Variants in MAP3K5 observed in about 807,000 individuals in gnomAD.
MAP3K5 encodes mitogen-activated protein kinase kinase kinase 5.
A neutral mutation model predicts 158.7 loss-of-function variants in MAP3K5; 56 were observed. That is an observed-to-expected ratio of 0.35 (90% CI 0.28 to 0.44). MAP3K5 has a LOEUF of 0.44. MAP3K5 is among the 20% of genes least tolerant of loss of function. The pLI, the probability that MAP3K5 is intolerant of heterozygous loss-of-function variation, is 1.00. For synonymous variants in MAP3K5, 579 were observed against 601.7 expected (o/e 0.96, Z 0.55); for missense variants, 1,294 against 1,674.8 (o/e 0.77, Z 3.97).
chr6:136,780,868 C>T (rs765101513), intron 1 of MAP3K5, among the ~76,000 whole-genome samples: 8 of 152,052 alleles, frequency 5.3e-5, no homozygotes, highest in Admixed American at 1.3e-4. Context: ...GAATGTAGGT[C>T]GTTCCTCCTG....
In MAP3K5 at chr6:136,601,805, A is replaced by G. The variant is rs143732330; in HGVS notation, c.2854T>C (p.Ser952Pro). 5.4e-5 allele frequency: 87 copies of G among 1,613,784 alleles called. No homozygotes were observed. Among genetic ancestry groups the G allele is most frequent in the Non-Finnish European group, 7.2e-5 (85 of 1,179,946 alleles). ...SKKKKTQPKL[S>P]ALSAGSNEYL... Reference sequence around the variant, plus strand: ...CCTCTTCAATGCAACCACATACCTGAAAGCTTAGGTTGTGTCTTTTTCTTT... The same window carrying G: ...CCTCTTCAATGCAACCACATACCTGGAAGCTTAGGTTGTGTCTTTTTCTTT... The change falls in exon 20 of 30, where the codon TCA becomes CCA. Residue 952 changes from serine to proline, a missense_variant. Coordinates refer to ENST00000359015, the MANE Select transcript of MAP3K5 (RefSeq NM_005923.4).
chr6:136,721,852 C>T (rs11757232), intron 1 of MAP3K5, among the ~76,000 whole-genome samples: 58,337 of 151,756 alleles, frequency 0.38, 12,467 homozygotes, highest in Middle Eastern at 0.49. Flanking sequence ...ACCCCTAGCT[C>T]TAAGAAGAAT....
chr6:136,558,144 C>T (rs149675228), intron 29 of MAP3K5, among the ~76,000 whole-genome samples: 1 of 152,044 alleles, frequency 6.6e-6, no homozygotes, highest in East Asian at 1.9e-4. Flanking sequence ...TTTAGAAGGC[C>T]GAGGCAGGCA....
At chr6:136,727,761 C>T (rs1236972582) in intron 1 of MAP3K5, among the ~76,000 whole-genome samples, 3 of 151,938 alleles carry the variant, frequency 2.0e-5, no homozygotes, top group African/African-American at 7.3e-5. Context: ...GAGATCGAGA[C>T]CATCCTGGCT....
At chr6:136,618,038 C>A (rs1432943369) in intron 15 of MAP3K5, among the ~76,000 whole-genome samples, 1 of 152,182 alleles carries the variant, frequency 6.6e-6, no homozygotes, top group African/African-American at 2.4e-5. Context: ...TGAGAGCATA[C>A]TAAATCTACC....
intron 2 of MAP3K5, among the ~76,000 whole-genome samples, chr6:136,708,256 AT>A (rs201437492): frequency 1.3e-5 from 2 of 148,744 alleles, no homozygotes; most frequent in African/African-American, 2.5e-5. Flanking sequence ...AGTATTAATT[AT>A]TTTTTTTTAA....
chr6:136,753,510 C>T (rs1257624459), intron 1 of MAP3K5, among the ~76,000 whole-genome samples: 6 of 150,730 alleles, frequency 4.0e-5, no homozygotes, highest in Admixed American at 2.0e-4. Context: ...TTTTTTTTTC[C>T]GGAATCTAAA....
chr6:136,746,477 T>C (rs1782963285), intron 1 of MAP3K5, among the ~76,000 whole-genome samples: 5 of 152,146 alleles, frequency 3.3e-5, no homozygotes, highest in Admixed American at 6.5e-5. Flanking sequence ...TGAAAATGAC[T>C]AGCGAGGCAC....
intron 25 of MAP3K5, 146 bp downstream of exon 25, chr6:136,580,155 G>A (rs73556207): frequency 2.2e-4 from 130 of 593,928 alleles, no homozygotes; most frequent in African/African-American, 2.2e-3. Flanking sequence ...CAGACTATAT[G>A]TACTATTTGG....
intron 1 of MAP3K5, among the ~76,000 whole-genome samples, chr6:136,773,177 A>G (rs537419382): frequency 6.6e-6 from 1 of 152,342 alleles, no homozygotes; most frequent in African/African-American, 2.4e-5. Context: ...CCTGTTAAAT[A>G]ACACCTGAGC....
At chr6:136,599,557 C>A (rs930368775) in intron 21 of MAP3K5, among the ~76,000 whole-genome samples, 1 of 151,818 alleles carries the variant, frequency 6.6e-6, no homozygotes, top group Non-Finnish European at 1.5e-5. Flanking sequence ...AAGTTAAATG[C>A]GTGTGTGTGA....
chr6:136,782,913 C>T (rs1357992717), intron 1 of MAP3K5, among the ~76,000 whole-genome samples: 1 of 152,198 alleles, frequency 6.6e-6, no homozygotes, highest in Non-Finnish European at 1.5e-5. Flanking sequence ...TGAAAATCAG[C>T]TTTGTCTCAT....
chr6:136,613,039 A>G lies in MAP3K5; in HGVS notation c.2415+81T>C. The G allele has an allele frequency of 7.5e-7, 1 of 1,326,152 alleles. No individual in the cohort carries two copies. The highest frequency in any genetic ancestry group is 1.0e-6 in the Non-Finnish European group (1 of 971,416). 82.1% of individuals were successfully genotyped at this position (1,326,152 alleles called of 1,614,324 possible). A position where few individuals can be genotyped will look rare whatever the true frequency, so the allele number is the denominator to read the frequency against. Reference sequence around the variant, plus strand: ...TATTCACCATTCTAAATTAATACTCATAACACAATATGACTTTTGCAAGTA... The same window carrying G: ...TATTCACCATTCTAAATTAATACTCGTAACACAATATGACTTTTGCAAGTA... On this transcript the variant is annotated intron_variant, in intron 17 of 29. Transcript: ENST00000359015. This position sits in a 1 kb window ranked among gnomAD's most constrained non-coding sequence, Gnocchi z 4.0.
At chr6:136,659,014 G>C (rs758113955) in intron 9 of MAP3K5, among the ~76,000 whole-genome samples, 1 of 152,228 alleles carries the variant, frequency 6.6e-6, no homozygotes, top group Non-Finnish European at 1.5e-5. Context: ...GAGAGGCTAA[G>C]TCAGGAACCT....
intron 25 of MAP3K5, among the ~76,000 whole-genome samples, chr6:136,574,540 G>A (rs1445937515): frequency 1.3e-5 from 2 of 152,136 alleles, no homozygotes; most frequent in Non-Finnish European, 2.9e-5. Flanking sequence ...CAAGCAGACT[G>A]TACTAGAGGA....
chr6:136,730,289 C>T (rs1435199544), intron 1 of MAP3K5, among the ~76,000 whole-genome samples: 2 of 151,596 alleles, frequency 1.3e-5, no homozygotes, highest in African/African-American at 4.9e-5. Flanking sequence ...TGAGCCACCA[C>T]AACTGGCCAA....
chr6:136,646,384 C>T (rs1778258377), intron 11 of MAP3K5, among the ~76,000 whole-genome samples: 1 of 152,124 alleles, frequency 6.6e-6, no homozygotes, highest in Non-Finnish European at 1.5e-5. Flanking sequence ...CTATGATTGT[C>T]ACAAAACATA....
intron 1 of MAP3K5, among the ~76,000 whole-genome samples, chr6:136,776,408 C>A (rs1275024772): frequency 6.6e-6 from 1 of 152,082 alleles, no homozygotes; most frequent in East Asian, 1.9e-4. Context: ...CCACAACCAG[C>A]AAATTTTTAT....
chr6:136,640,353 T>C (rs1003818693), intron 12 of MAP3K5, among the ~76,000 whole-genome samples: 6 of 152,316 alleles, frequency 3.9e-5, no homozygotes, highest in Middle Eastern at 3.4e-3. Flanking sequence ...CAATAAAACT[T>C]TATTTACAGG....
Sources: gnomAD v4.1 joint callset for allele counts (sites outside exome capture counted in the v4.1 genomes callset) on GRCh38, gnomAD v4.1.1 for gene constraint, Gnocchi (gnomAD v3.1) non-coding constraint, MANE v1.5 for transcripts, NCBI Gene and HGNC (gene_info 2026-07-23, HGNC 2026-07-21) for gene names.